The following NALF1 variants were observed in gnomAD, a reference collection of about 807,000 sequenced individuals.
NALF1 encodes the protein NALCN channel auxiliary factor 1.
NALF1 carries 3 observed loss-of-function variants against 48.4 expected under a neutral mutation model. The ratio of observed to expected loss-of-function variants is 0.06; its 90% CI spans 0.03 to 0.16. NALF1 has a LOEUF of 0.16. Ranked by LOEUF, NALF1 falls within the 10% of genes least tolerant of loss-of-function variation. NALF1 has a pLI of 1.00. For missense variants in NALF1, 526 were observed against 571.5 expected (o/e 0.92, Z 0.81); for synonymous variants, 262 against 245.7 (o/e 1.07, Z -0.62).
chr13:107,169,076 A>AAATT lies in NALF1; in HGVS notation c.*1417_*1420dup, dbSNP rs1878732796. The AAATT allele has an allele frequency of 6.6e-6, 1 of 152,666 alleles. No homozygotes were observed. Among genetic ancestry groups the AAATT allele is most frequent in the South Asian group, 2.1e-4 (1 of 4,828 alleles). The allele number at this position is 152,666 out of a possible 1,614,324, so 9.5% of individuals were successfully genotyped here. A position where few individuals can be genotyped will look rare whatever the true frequency, so the allele number is the denominator to read the frequency against. ...CTCATAAAAGCCTTTTATAGAAAGC[A>AAATT]AATTCATGTACACTCAGCAGGTGAA... is the stretch of plus-strand genomic sequence containing the variant. On this transcript the variant is annotated 3_prime_UTR_variant, in exon 3 of 3. Transcript: ENST00000375915.
chr13:107,808,700 G>A (rs1878888589), intron 1 of NALF1, among the ~76,000 whole-genome samples: 1 of 150,912 alleles, frequency 6.6e-6, no homozygotes, highest in Admixed American at 6.6e-5. Context: ...TGCTTAGATA[G>A]ATTAGGAGAA....
chr13:107,276,634 A>G (rs900327524), intron 1 of NALF1, among the ~76,000 whole-genome samples: 5 of 152,184 alleles, frequency 3.3e-5, no homozygotes, highest in Non-Finnish European at 5.9e-5. Context: ...GATGATTATA[A>G]GAAAAACTTC....
At chr13:107,618,096 C>T (rs1001388458) in intron 1 of NALF1, among the ~76,000 whole-genome samples, 4 of 151,670 alleles carry the variant, frequency 2.6e-5, no homozygotes, top group African/African-American at 9.7e-5. Flanking sequence ...AGGCTAAGTG[C>T]TGTGGAGCAT....
At chr13:107,290,642 TC>T (rs1159787576) in intron 1 of NALF1, among the ~76,000 whole-genome samples, 8 of 152,184 alleles carry the variant, frequency 5.3e-5, no homozygotes, top group African/African-American at 1.9e-4. Flanking sequence ...TTATAAATTA[TC>T]CAGTCTCGCG....
At chr13:107,439,428 C>T (rs1462061862) in intron 1 of NALF1, among the ~76,000 whole-genome samples, 1 of 152,202 alleles carries the variant, frequency 6.6e-6, no homozygotes, top group Admixed American at 6.5e-5. Context: ...TGCCACTGCT[C>T]TGGTTCTGCT....
chr13:107,565,067 A>T (rs1055768825), intron 1 of NALF1, among the ~76,000 whole-genome samples: 1 of 142,536 alleles, frequency 7.0e-6, no homozygotes, highest in Admixed American at 6.9e-5. Flanking sequence ...GATATCTGCA[A>T]AAAAAAAAAA....
intron 1 of NALF1, among the ~76,000 whole-genome samples, chr13:107,322,080 C>T (rs1405968834): frequency 1.3e-5 from 2 of 152,102 alleles, no homozygotes; most frequent in Non-Finnish European, 2.9e-5. Flanking sequence ...TTTACTTAAA[C>T]TCAGGCGAGA....
chr13:107,557,273 A>G (rs1877508579), intron 1 of NALF1, among the ~76,000 whole-genome samples: 1 of 152,236 alleles, frequency 6.6e-6, no homozygotes, highest in Non-Finnish European at 1.5e-5. Flanking sequence ...CAATGCAAAC[A>G]AACAAGCACA....
chr13:107,582,941 T>G (rs1338371395), intron 1 of NALF1, among the ~76,000 whole-genome samples: 1 of 152,180 alleles, frequency 6.6e-6, no homozygotes, highest in Non-Finnish European at 1.5e-5. Context: ...TCCAAAGCCA[T>G]TCTGACCTCT....
chr13:107,781,948 T>C (rs1012442918), intron 1 of NALF1, among the ~76,000 whole-genome samples: 1 of 152,230 alleles, frequency 6.6e-6, no homozygotes, highest in Admixed American at 6.5e-5. Flanking sequence ...TTTTGCATTA[T>C]TGCTTAGTTG....
At chr13:107,460,033 C>T (rs571175107) in intron 1 of NALF1, among the ~76,000 whole-genome samples, 123 of 152,344 alleles carry the variant, frequency 8.1e-4, no homozygotes, top group African/African-American at 2.9e-3. Context: ...TGAGCCACCT[C>T]GCCTGGCCCT....
At chr13:107,567,698 C>CT (rs1877856644) in intron 1 of NALF1, among the ~76,000 whole-genome samples, 2 of 152,160 alleles carry the variant, frequency 1.3e-5, no homozygotes, top group Admixed American at 1.3e-4. Flanking sequence ...ACAGGTGTAG[C>CT]TTTGAGTAAC....
intron 1 of NALF1, among the ~76,000 whole-genome samples, chr13:107,616,149 C>G (rs1879373307): frequency 6.6e-6 from 1 of 152,164 alleles, no homozygotes; most frequent in Non-Finnish European, 1.5e-5. Context: ...ATGGAAACTT[C>G]CTGGAAAAGA....
intron 1 of NALF1, among the ~76,000 whole-genome samples, chr13:107,312,837 C>A (rs181590656): frequency 4.7e-4 from 72 of 152,236 alleles, no homozygotes; most frequent in Non-Finnish European, 9.1e-4. Flanking sequence ...TGTGAAAATT[C>A]TCATCTACCA....
chr13:107,349,538 C>T (rs949956265), intron 1 of NALF1, among the ~76,000 whole-genome samples: 6 of 151,940 alleles, frequency 3.9e-5, no homozygotes, highest in Admixed American at 1.3e-4. Flanking sequence ...GTCAGGAGAT[C>T]GAGACCATCC....
intron 1 of NALF1, among the ~76,000 whole-genome samples, chr13:107,849,738 C>A (rs1159490833): frequency 6.6e-6 from 1 of 152,206 alleles, no homozygotes; most frequent in African/African-American, 2.4e-5. Context: ...GAACCTGCCA[C>A]TGTGTTTCGT....
At chr13:107,545,601 G>A (rs1164730993) in intron 1 of NALF1, among the ~76,000 whole-genome samples, 3 of 152,060 alleles carry the variant, frequency 2.0e-5, no homozygotes, top group African/African-American at 4.8e-5. Context: ...TAGGGTCAGA[G>A]CAGATATGGA....
intron 1 of NALF1, among the ~76,000 whole-genome samples, chr13:107,462,589 C>T (rs1020202412): frequency 2.6e-5 from 4 of 152,216 alleles, no homozygotes; most frequent in African/African-American, 7.2e-5. Context: ...AAAATAAAGG[C>T]CTGTTTCATG....
intron 2 of NALF1, among the ~76,000 whole-genome samples, chr13:107,210,355 A>C (rs893820542): frequency 6.6e-6 from 1 of 152,198 alleles, no homozygotes; most frequent in African/African-American, 2.4e-5. Context: ...TCTTTCACAC[A>C]GTGAATAACT....
Sources: allele counts gnomAD v4.1 joint callset (sites outside exome capture counted in the v4.1 genomes callset), GRCh38; gene constraint gnomAD v4.1.1; transcripts MANE v1.5; gene names NCBI Gene and HGNC (gene_info 2026-07-23, HGNC 2026-07-21).